The following PPAT variants were observed in gnomAD, a reference collection of about 807,000 sequenced individuals.
The protein encoded by PPAT is phosphoribosyl pyrophosphate amidotransferase.
A neutral mutation model predicts 60.2 loss-of-function variants in PPAT; 20 were observed. That is an observed-to-expected ratio of 0.33 (90% CI 0.23 to 0.48). The LOEUF (loss-of-function observed/expected upper bound fraction) is 0.48, where lower values mean the gene tolerates loss of function less well. PPAT is among the 20% of genes least tolerant of loss of function. The probability of loss-of-function intolerance (pLI) is 0.99; values close to 1 mark genes in which losing one functional copy is unlikely to be tolerated. For synonymous variants in PPAT, 194 were observed against 215.1 expected, an observed-to-expected ratio of 0.90 and a Z score of 0.86; for missense variants, 349 against 629.6, an observed-to-expected ratio of 0.55 and a Z score of 4.77.
intron 1 of PPAT, chr4:56,421,731 C>T (rs1298740649): frequency 6.6e-6 from 1 of 152,222 alleles, no homozygotes; most frequent in African/African-American, 2.4e-5. Flanking sequence ...GAGAACTATA[C>T]ATCTCCCCCA....
intron 1 of PPAT, among the ~76,000 whole-genome samples, chr4:56,433,757 T>C (rs1045245573): frequency 6.6e-6 from 1 of 151,536 alleles, no homozygotes; most frequent in African/African-American, 2.4e-5. Flanking sequence ...TGCAGTGGCG[T>C]GATCTCTGCT....
At chr4:56,401,228 GC>G in intron 7 of PPAT, 101 bp downstream of exon 7, 2 of 1,074,450 alleles carry the variant, frequency 1.9e-6, no homozygotes, top group Non-Finnish European at 2.6e-6. Flanking sequence ...ATAACTATAT[GC>G]CTTCAAAGAG....
intron 8 of PPAT, chr4:56,400,518 G>A: frequency 3.9e-6 from 1 of 258,882 alleles, no homozygotes; most frequent in Non-Finnish European, 7.5e-6. Flanking sequence ...TATTCATGAT[G>A]TTATCTTTTT....
In PPAT at chr4:56,398,299, A is replaced by C. The variant is rs560849236; in HGVS notation, c.1236+880T>G. ...GTGGGAGGATTGCTTGAGCCCCAGA[A>C]GCAGAGGTTGCAGTGAGTTGAGATG... On this transcript the variant is annotated intron_variant, in intron 9 of 10. Transcript: ENST00000264220. 7.9e-5 allele frequency among the ~76,000 whole-genome samples: 12 copies of C among 152,082 alleles called. No individual in the cohort carries two copies. The South Asian group carries it at 2.5e-3, about 32-fold the overall frequency.
At chr4:56,419,170 C>T (rs1716916503) in intron 1 of PPAT, among the ~76,000 whole-genome samples, 2 of 151,906 alleles carry the variant, frequency 1.3e-5, no homozygotes, top group South Asian at 2.1e-4. Flanking sequence ...CAAAGGAAAT[C>T]GTAAGATAAA....
chr4:56,395,180 G>A lies in PPAT; in HGVS notation c.*172C>T, dbSNP rs527429338. ...TATTATATGCAATTGGAAATGTTCAGTTATCGCACTTTGGTATCCTTTTCA... is the reference window on the plus strand; with the variant it reads ...TATTATATGCAATTGGAAATGTTCAATTATCGCACTTTGGTATCCTTTTCA... On this transcript the variant is annotated 3_prime_UTR_variant, in exon 11 of 11. Coordinates refer to ENST00000264220, the MANE Select transcript of PPAT (RefSeq NM_002703.5). The A allele has an allele frequency of 1.4e-4, 81 of 570,982 alleles. No homozygotes were observed. Among genetic ancestry groups the A allele is most frequent in the Admixed American group, 8.0e-4 (19 of 23,856 alleles). 35.4% of individuals were successfully genotyped at this position (570,982 alleles called of 1,614,324 possible).
intron 1 of PPAT, chr4:56,428,791 T>C (rs1717426471): frequency 6.4e-6 from 1 of 156,500 alleles, no homozygotes; most frequent in African/African-American, 2.4e-5. Context: ...TTTCTAAACC[T>C]TGTACCAAAA....
intron 2 of PPAT, 114 bp downstream of exon 2, chr4:56,407,536 T>C (rs1172679123): frequency 1.3e-6 from 1 of 792,924 alleles, no homozygotes; most frequent in Non-Finnish European, 2.2e-6. Context: ...CAGGCTGGTC[T>C]TGAACTCCCG....
At chr4:56,422,482 CGTGTGTGTGTGTGTGTGT>C (rs71194105) in intron 1 of PPAT, 8 of 138,532 alleles carry the variant, frequency 5.8e-5, no homozygotes, top group African/African-American at 1.4e-4. Flanking sequence ...TTTTTTTGTA[CGTGTGTGTGTGTGTGTGT>C]GTGTGTGTGT....
At chr4:56,421,019 G>A (rs1363594411) in intron 1 of PPAT, 1 of 152,240 alleles carries the variant, frequency 6.6e-6, no homozygotes, top group Non-Finnish European at 1.5e-5. Context: ...GGGTTGCACA[G>A]CAGGAGGTGA....
Position 56,427,082 on chromosome 4 carries a change from T to G in PPAT, c.128+8268A>C, listed in dbSNP as rs368229958. Among the ~76,000 whole-genome samples, 3 of 152,366 alleles carry G rather than the reference T, an allele frequency of 2.0e-5. No individual in the cohort carries two copies. The East Asian group carries it at 5.8e-4, about 29-fold the overall frequency. On this transcript the variant is annotated intron_variant, in intron 1 of 10. Transcript: ENST00000264220. ...GTAGCATTTATCAGAATTTCCTTCA[T>G]TTTAATATTCCATTGTATGGATACA...
chr4:56,407,897 A>C (rs565193484), intron 1 of PPAT, among the ~76,000 whole-genome samples, 181 bp from the exon 2 acceptor site: 1 of 152,362 alleles, frequency 6.6e-6, no homozygotes, highest in South Asian at 2.1e-4. Flanking sequence ...CAATCACAGC[A>C]GATGACAATG....
chr4:56,407,036 T>C (rs1716258003), intron 2 of PPAT, among the ~76,000 whole-genome samples: 1 of 152,144 alleles, frequency 6.6e-6, no homozygotes, highest in South Asian at 2.1e-4. Context: ...AGAACAGATG[T>C]AGTAAGCAAT....
chr4:56,419,801 C>T (rs905290587), intron 1 of PPAT: 21 of 984,532 alleles, frequency 2.1e-5, no homozygotes, highest in Non-Finnish European at 2.4e-5. Flanking sequence ...AAATTGCAGC[C>T]AAGCTTCAGA....
At chr4:56,405,400 G>A (rs1266440906) in intron 3 of PPAT, among the ~76,000 whole-genome samples, 1 of 152,190 alleles carries the variant, frequency 6.6e-6, no homozygotes, top group Non-Finnish European at 1.5e-5. Flanking sequence ...CAAAATGATA[G>A]GTGTCCTTTT....
chr4:56,418,814 T>C (rs967027289), intron 1 of PPAT, among the ~76,000 whole-genome samples: 10 of 152,232 alleles, frequency 6.6e-5, no homozygotes, highest in African/African-American at 2.4e-4. Flanking sequence ...GTCAGTAATG[T>C]AAATGAAGTA....
At chr4:56,424,200 T>TA (rs1717179539) in intron 1 of PPAT, among the ~76,000 whole-genome samples, 1 of 152,234 alleles carries the variant, frequency 6.6e-6, no homozygotes, top group Non-Finnish European at 1.5e-5. Flanking sequence ...AAATGTATGC[T>TA]ATAAGCCATA....
chr4:56,395,644 C>G, intron 10 of PPAT, 96 bp from the exon 11 acceptor site: 1 of 871,320 alleles, frequency 1.1e-6, no homozygotes, highest in South Asian at 4.2e-5. Context: ...ATAATTTAAG[C>G]TAGGATAAAT....
chr4:56,417,469 C>T (rs1041554263), intron 1 of PPAT, among the ~76,000 whole-genome samples: 5 of 151,998 alleles, frequency 3.3e-5, no homozygotes, highest in African/African-American at 7.3e-5. Context: ...TATTACTGAA[C>T]CATTAATTGT....
Sources: gnomAD v4.1 joint callset for allele counts (sites outside exome capture counted in the v4.1 genomes callset) on GRCh38, gnomAD v4.1.1 for gene constraint, MANE v1.5 for transcripts, NCBI Gene and HGNC (gene_info 2026-07-23, HGNC 2026-07-21) for gene names.